BRAF: variants seen among roughly 807,000 people sequenced by gnomAD.
The protein encoded by BRAF is B-Raf proto-oncogene, serine/threonine kinase, also known as serine/threonine-protein kinase B-raf.
A neutral mutation model predicts 104.6 loss-of-function variants in BRAF; 16 were observed. That is an observed-to-expected ratio of 0.15 (90% confidence interval 0.10 to 0.23). BRAF has a LOEUF of 0.23. Among genes scored for constraint, BRAF ranks in the 10% least tolerant of loss-of-function variants. The pLI is 1.00. For synonymous variants in BRAF, 310 were observed against 341.6 expected, an observed-to-expected ratio of 0.91 and a Z score of 1.02; for missense variants, 541 against 937.3, an observed-to-expected ratio of 0.58 and a Z score of 5.52.
chr7:140,848,354 G>A lies in BRAF; in HGVS notation c.240+1757C>T, dbSNP rs569567465. Among the ~76,000 whole-genome samples the A allele has an allele frequency of 9.9e-5, 15 of 152,156 alleles. No individual in the cohort carries two copies. In the South Asian group the frequency reaches 2.9e-3, roughly 29 times the overall value. Reference sequence around the variant, plus strand: ...TCTCTGTTTTTTCACTTGTAAAATGGGAATAACAAAAATATCCAGTACCTA... The same window carrying A: ...TCTCTGTTTTTTCACTTGTAAAATGAGAATAACAAAAATATCCAGTACCTA... On this transcript the variant is annotated intron_variant, in intron 2 of 19. Transcript: ENST00000644969.
At position 140,753,336 on chromosome 7, in the gene BRAF, A is replaced by T. The variant is rs113488022; in HGVS notation, c.1919T>A (p.Val640Glu). Residue 640 changes from valine (V) to glutamate (E), a missense_variant, in exon 16 of 20, where the codon GTG (valine) becomes GAG (glutamate). Coordinates refer to ENST00000644969, the MANE Select transcript of BRAF (RefSeq NM_001374258.1). ...ATGGGACCCACTCCATCGAGATTTC[A>T]CTGTAGCTAGACCAAAATCACCTAT... ...VKIGDFGLAT[V>E]KSRWSGSHQF... 2 of 1,612,922 alleles carry T rather than the reference A, an allele frequency of 1.2e-6. No homozygotes were observed. The highest frequency in any genetic ancestry group is 1.1e-5 in the South Asian group (1 of 91,076).
intron 3 of BRAF, among the ~76,000 whole-genome samples, chr7:140,815,309 GTTT>G (rs569027448): frequency 1.4e-5 from 2 of 145,590 alleles, no homozygotes; most frequent in Non-Finnish European, 3.0e-5. Flanking sequence ...GGCTAATTTT[GTTT>G]TTTTTTGTAT....
chr7:140,911,416 C>G (rs900469407), intron 1 of BRAF, among the ~76,000 whole-genome samples: 10 of 152,010 alleles, frequency 6.6e-5, no homozygotes, highest in African/African-American at 2.4e-4. Flanking sequence ...CAGTGCAGGT[C>G]TAGAGGAAAA....
intron 1 of BRAF, among the ~76,000 whole-genome samples, chr7:140,893,815 A>G (rs912774236): frequency 1.3e-5 from 2 of 152,142 alleles, no homozygotes; most frequent in Admixed American, 6.6e-5. Flanking sequence ...AATGCATTTT[A>G]GGGGAAAAAA....
intron 1 of BRAF, among the ~76,000 whole-genome samples, chr7:140,902,937 T>A (rs1211682079): frequency 6.6e-6 from 1 of 151,090 alleles, no homozygotes; most frequent in African/African-American, 2.4e-5. Context: ...TTTTTTTTTT[T>A]TTTTGAGATG....
intron 7 of BRAF, chr7:140,799,921 T>TAAAA: frequency 3.1e-6 from 1 of 317,480 alleles, no homozygotes. Flanking sequence ...GCATGATTTT[T>TAAAA]TCAGGACTGG....
intron 16 of BRAF, among the ~76,000 whole-genome samples, chr7:140,752,806 T>C (rs181852250): frequency 1.3e-5 from 2 of 152,310 alleles, no homozygotes; most frequent in East Asian, 3.9e-4. Flanking sequence ...AGTAGTTCTC[T>C]TAGCAAAACC....
At chr7:140,714,845 A>G (rs542986563), downstream of BRAF, among the ~76,000 whole-genome samples, 7 of 152,286 alleles carry the variant, frequency 4.6e-5, no homozygotes, top group African/African-American at 1.7e-4. Context: ...AGAAAAGCAA[A>G]TTGAACTTTT....
chr7:140,783,814 T>G (rs1801107163), intron 10 of BRAF, among the ~76,000 whole-genome samples: 1 of 152,228 alleles, frequency 6.6e-6, no homozygotes, highest in South Asian at 2.1e-4. Flanking sequence ...CCGGGCATAT[T>G]TCTCAAGACT....
intron 3 of BRAF, among the ~76,000 whole-genome samples, chr7:140,831,387 C>A (rs1292698056): frequency 6.6e-6 from 1 of 152,156 alleles, no homozygotes; most frequent in Non-Finnish European, 1.5e-5. Flanking sequence ...TTACTTTTTA[C>A]CCCACTGGAT....
intron 3 of BRAF, among the ~76,000 whole-genome samples, chr7:140,830,839 A>G (rs776357085): frequency 2.0e-5 from 3 of 152,198 alleles, no homozygotes; most frequent in Non-Finnish European, 2.9e-5. Flanking sequence ...ACCTTTCCCT[A>G]TGCATTTCTT....
chr7:140,867,067 A>C (rs1811046274), intron 1 of BRAF, among the ~76,000 whole-genome samples: 1 of 152,176 alleles, frequency 6.6e-6, no homozygotes. Flanking sequence ...CATATACTCC[A>C]ATAACAAGTA....
At chr7:140,838,939 A>G (rs1246167725) in intron 2 of BRAF, among the ~76,000 whole-genome samples, 1 of 152,250 alleles carries the variant, frequency 6.6e-6, no homozygotes, top group Non-Finnish European at 1.5e-5. Flanking sequence ...TTGTGTAAAT[A>G]CACTAAGAAC....
At chr7:140,734,597 T>A in intron 19 of BRAF, 1 of 1,613,738 alleles carries the variant, frequency 6.2e-7, no homozygotes, top group Non-Finnish European at 8.5e-7. Flanking sequence ...CTCATTTGTT[T>A]CAGTGGACAG....
intron 1 of BRAF, among the ~76,000 whole-genome samples, chr7:140,899,327 A>G (rs1298023370): frequency 6.6e-6 from 1 of 152,076 alleles, no homozygotes; most frequent in Non-Finnish European, 1.5e-5. Context: ...TGGGTTTAAC[A>G]AGCCCTCCAG....
chr7:140,806,552 T>A (rs1803678486), intron 5 of BRAF, among the ~76,000 whole-genome samples: 1 of 152,208 alleles, frequency 6.6e-6, no homozygotes, highest in African/African-American at 2.4e-5. Flanking sequence ...ATTTTAATAC[T>A]ATTTTCTCAC....
intron 19 of BRAF, chr7:140,733,908 C>T (rs1796176505): frequency 7.8e-6 from 6 of 772,450 alleles, no homozygotes; most frequent in South Asian, 1.2e-4. Context: ...TTAAAAGAAA[C>T]TCCAATTTAT....
At position 140,734,533 on chromosome 7, in the gene BRAF, G is replaced by T. The variant is rs1182840373; in HGVS notation, c.2401+84C>A. 1.2e-5 allele frequency: 20 copies of T among 1,610,060 alleles called. No homozygotes were observed. In the East Asian group the frequency reaches 1.3e-4, roughly 11 times the overall value. On this transcript the variant is annotated intron_variant, in intron 19 of 19. Coordinates refer to ENST00000644969, the MANE Select transcript of BRAF (RefSeq NM_001374258.1). ...GTATTTTATTCAATTTAACATATAA[G>T]CAAACATATGTTCATTTATTTTCCT... is the stretch of plus-strand genomic sequence containing the variant.
At chr7:140,895,644 T>G (rs1035209551) in intron 1 of BRAF, among the ~76,000 whole-genome samples, 2 of 152,228 alleles carry the variant, frequency 1.3e-5, no homozygotes, top group Non-Finnish European at 2.9e-5. Context: ...AAATCAACTC[T>G]TTTTAGCTTC....
Sources: allele counts gnomAD v4.1 joint callset (sites outside exome capture counted in the v4.1 genomes callset), GRCh38; gene constraint gnomAD v4.1.1; transcripts MANE v1.5; gene names NCBI Gene and HGNC (gene_info 2026-07-23, HGNC 2026-07-21).